Variants in PTPRM observed in about 807,000 individuals in gnomAD.
PTPRM encodes protein tyrosine phosphatase receptor type M.
Under a neutral mutation model 186.7 loss-of-function variants are expected in PTPRM, and 47 were observed. That is an observed-to-expected ratio of 0.25 (90% CI 0.20 to 0.32). The LOEUF is 0.32. Among genes scored for constraint, PTPRM ranks in the 10% least tolerant of loss-of-function variants. The probability of loss-of-function intolerance (pLI) is 1.00; values close to 1 mark genes in which losing one functional copy is unlikely to be tolerated. For synonymous variants in PTPRM, 668 were observed against 674.9 expected, an observed-to-expected ratio of 0.99 and a Z score of 0.16; for missense variants, 1,494 against 1,865.0, an observed-to-expected ratio of 0.80 and a Z score of 3.66.
intron 14 of PTPRM, among the ~76,000 whole-genome samples, chr18:8,209,488 C>T (rs977306950): frequency 2.6e-5 from 4 of 151,968 alleles, no homozygotes; most frequent in African/African-American, 4.8e-5. Flanking sequence ...AAATGAGGTC[C>T]GGGTGGGAGA....
intron 3 of PTPRM, 152 bp downstream of exon 3, chr18:7,888,529 G>A: frequency 1.1e-6 from 1 of 923,384 alleles, no homozygotes; most frequent in Non-Finnish European, 1.5e-6. Context: ...ACTGTTGGTG[G>A]GATTGTAAAT....
intron 1 of PTPRM, among the ~76,000 whole-genome samples, chr18:7,661,109 G>T (rs1344412107): frequency 6.6e-6 from 1 of 152,166 alleles, no homozygotes; most frequent in Non-Finnish European, 1.5e-5. Context: ...CTTTGCACAG[G>T]GAAAAATGAT....
chr18:8,266,876 C>A (rs1332794135), intron 19 of PTPRM, among the ~76,000 whole-genome samples: 2 of 152,098 alleles, frequency 1.3e-5, no homozygotes, highest in Non-Finnish European at 2.9e-5. Context: ...CCACTGCACT[C>A]CAGCCTGGGC....
At chr18:7,972,508 G>A (rs1441073227) in intron 7 of PTPRM, among the ~76,000 whole-genome samples, 34 of 79,530 alleles carry the variant, frequency 4.3e-4, no homozygotes, top group African/African-American at 4.8e-4. Context: ...GAGAAACATG[G>A]AATAGAAAAA....
intron 20 of PTPRM, among the ~76,000 whole-genome samples, chr18:8,312,360 G>A (rs568187121): frequency 6.6e-6 from 1 of 152,188 alleles, no homozygotes; most frequent in African/African-American, 2.4e-5. Context: ...GCAGCAAAAT[G>A]TGTCCTAGGA....
chr18:8,393,144 G>A (rs1401275026), intron 31 of PTPRM, among the ~76,000 whole-genome samples: 3 of 152,212 alleles, frequency 2.0e-5, no homozygotes, highest in Non-Finnish European at 4.4e-5. Context: ...ACTTTATGGT[G>A]AGAAAATCTG....
At chr18:7,687,050 A>T (rs573975461) in intron 1 of PTPRM, among the ~76,000 whole-genome samples, 1 of 152,272 alleles carries the variant, frequency 6.6e-6, no homozygotes, top group Admixed American at 6.5e-5. Context: ...ATTCAAAATG[A>T]TTTTTTCTAG....
chr18:8,076,577 T>C lies in PTPRM; in HGVS notation c.1551+13T>C. 7.4e-7 allele frequency: 1 copy of C among 1,351,074 alleles called. No homozygotes were observed. Among genetic ancestry groups the C allele is most frequent in the Non-Finnish European group, 1.0e-6 (1 of 953,660 alleles). 83.7% of individuals were successfully genotyped at this position (1,351,074 alleles called of 1,614,324 possible). A position where few individuals can be genotyped will look rare whatever the true frequency, so the allele number is the denominator to read the frequency against. ...CACTTTATATGAGGTAATATATATGTTTGTTAGTAATTTTTAATTAGAAAT... is the reference window on the plus strand; with the variant it reads ...CACTTTATATGAGGTAATATATATGCTTGTTAGTAATTTTTAATTAGAAAT... On this transcript the variant is annotated intron_variant, in intron 9 of 32. Transcript: ENST00000580170.
At position 7,783,748 on chromosome 18, in the gene PTPRM, T is replaced by G. The variant is rs78740091; in HGVS notation, c.196+9477T>G. ...CACCATGCCTGGCTAATTTTTAATT[T>G]TGTGTGTGTGTGTGTGTGTGTGTGT... On this transcript the variant is annotated intron_variant, in intron 2 of 32. Coordinates refer to ENST00000580170, the MANE Select transcript of PTPRM (RefSeq NM_001105244.2). Among the ~76,000 whole-genome samples, 996 of 146,718 alleles carry G rather than the reference T, an allele frequency of 6.8e-3. 14 individuals are homozygous for G. The highest frequency in any genetic ancestry group is 0.024 in the African/African-American group (935 of 39,542).
chr18:7,924,521 T>A (rs1263379956), intron 4 of PTPRM, among the ~76,000 whole-genome samples: 11 of 152,218 alleles, frequency 7.2e-5, no homozygotes, highest in Non-Finnish European at 4.4e-5. Flanking sequence ...TAAAGTTTTT[T>A]ATATGGTAAC....
chr18:8,202,889 C>T (rs2093877507), intron 14 of PTPRM, among the ~76,000 whole-genome samples: 1 of 152,158 alleles, frequency 6.6e-6, no homozygotes. Flanking sequence ...GGACTGATCT[C>T]CCTGCCAGCC....
At chr18:7,901,157 T>C (rs1306327109) in intron 3 of PTPRM, among the ~76,000 whole-genome samples, 1 of 152,230 alleles carries the variant, frequency 6.6e-6, no homozygotes, top group Non-Finnish European at 1.5e-5. Context: ...GCAATACCTG[T>C]ACTTTTCATT....
At chr18:8,229,898 C>T (rs1162258386) in intron 14 of PTPRM, among the ~76,000 whole-genome samples, 1 of 152,226 alleles carries the variant, frequency 6.6e-6, no homozygotes, top group Non-Finnish European at 1.5e-5. Context: ...CCACACACCT[C>T]TTTGCTTCTT....
intron 4 of PTPRM, among the ~76,000 whole-genome samples, chr18:7,919,593 A>G (rs2050748136): frequency 6.6e-6 from 1 of 152,082 alleles, no homozygotes; most frequent in Non-Finnish European, 1.5e-5. Context: ...TATTATTTCT[A>G]CTTTTTTAAA....
At chr18:8,382,021 G>T (rs1232716613) in intron 29 of PTPRM, among the ~76,000 whole-genome samples, 1 of 152,154 alleles carries the variant, frequency 6.6e-6, no homozygotes, top group Non-Finnish European at 1.5e-5. Flanking sequence ...TCATGGGTAG[G>T]AGAGACAAAA....
intron 7 of PTPRM, among the ~76,000 whole-genome samples, chr18:7,972,879 A>G (rs547880900): frequency 1.3e-5 from 2 of 152,236 alleles, no homozygotes; most frequent in Non-Finnish European, 2.9e-5. Context: ...ATGTAAGCTC[A>G]TTTAGGTGTG....
intron 14 of PTPRM, among the ~76,000 whole-genome samples, chr18:8,189,840 A>G (rs2093688185): frequency 6.6e-6 from 1 of 152,212 alleles, no homozygotes; most frequent in African/African-American, 2.4e-5. Flanking sequence ...TATTTTATTG[A>G]CGTATAATTT....
chr18:8,281,213 T>G (rs757142759), intron 19 of PTPRM, among the ~76,000 whole-genome samples: 1 of 152,180 alleles, frequency 6.6e-6, no homozygotes, highest in African/African-American at 2.4e-5. Flanking sequence ...TGCTGCATTC[T>G]CTCCCTTTCA....
At chr18:8,031,933 A>G (rs1283742379) in intron 7 of PTPRM, among the ~76,000 whole-genome samples, 1 of 152,232 alleles carries the variant, frequency 6.6e-6, no homozygotes, top group Non-Finnish European at 1.5e-5. Context: ...TGCCAAATAC[A>G]GTGACCATCA....
Sources: allele counts gnomAD v4.1 joint callset (sites outside exome capture counted in the v4.1 genomes callset), GRCh38; gene constraint gnomAD v4.1.1; transcripts MANE v1.5; gene names NCBI Gene and HGNC (gene_info 2026-07-23, HGNC 2026-07-21).